TMC3: variants seen among roughly 807,000 people sequenced by gnomAD.
The protein encoded by TMC3 is transmembrane channel-like protein 3.
A neutral mutation model predicts 110.6 loss-of-function variants in TMC3; 98 were observed. That is an observed-to-expected ratio of 0.89 (90% CI 0.75 to 1.05). The LOEUF (loss-of-function observed/expected upper bound fraction) is 1.05. TMC3 is among the 50% of genes least tolerant of loss of function. The pLI, the probability that TMC3 is intolerant of heterozygous loss-of-function variation, is 0.00. For synonymous variants in TMC3, 489 were observed against 513.1 expected, an observed-to-expected ratio of 0.95 and a Z score of 0.63; for missense variants, 1,319 against 1,373.2, an observed-to-expected ratio of 0.96 and a Z score of 0.62.
At chr15:81,356,841 TC>T (rs1894076005) in intron 7 of TMC3, among the ~76,000 whole-genome samples, 1 of 152,186 alleles carries the variant, frequency 6.6e-6, no homozygotes, top group African/African-American at 2.4e-5. Context: ...TGACAAGGAC[TC>T]CCACCACTGT....
At chr15:81,350,351 T>C (rs957366982) in intron 10 of TMC3, among the ~76,000 whole-genome samples, 13 of 152,166 alleles carry the variant, frequency 8.5e-5, no homozygotes, top group Non-Finnish European at 1.3e-4. Flanking sequence ...CTATTACCAA[T>C]AGAAAAGGAA....
intron 2 of TMC3, among the ~76,000 whole-genome samples, 191 bp from the exon 3 acceptor site, chr15:81,368,519 AT>A (rs889914970): frequency 1.3e-5 from 2 of 152,134 alleles, no homozygotes. Context: ...ACACCTTAAA[AT>A]TTTTTTCTTT....
chr15:81,357,235 G>A (rs1399618623), intron 7 of TMC3, among the ~76,000 whole-genome samples: 2 of 152,084 alleles, frequency 1.3e-5, no homozygotes, highest in African/African-American at 4.8e-5. Flanking sequence ...AGCTAAGCTG[G>A]AAAGCTTCAG....
At chr15:81,358,586 G>GA in intron 5 of TMC3, 86 bp from the exon 6 acceptor site, 7 of 1,074,794 alleles carry the variant, frequency 6.5e-6, no homozygotes, top group Non-Finnish European at 8.0e-6. Flanking sequence ...ATGTGCTTGT[G>GA]AAAATGCCAC....
chr15:81,357,628 C>T (rs549707644), intron 7 of TMC3, among the ~76,000 whole-genome samples: 1 of 152,260 alleles, frequency 6.6e-6, no homozygotes, highest in African/African-American at 2.4e-5. Context: ...ATTTTGCCTC[C>T]CCAGTGATGA....
intron 17 of TMC3, 149 bp downstream of exon 17, chr15:81,339,245 A>G: frequency 1.6e-6 from 1 of 639,198 alleles, no homozygotes; most frequent in East Asian, 2.7e-5. Context: ...TTAAGGAAAG[A>G]GCCCTGGTCT....
Position 81,374,003 on chromosome 15 carries a change from T to C in TMC3, c.75A>G (p.Glu25=). 6.2e-7 allele frequency: 1 copy of C among 1,613,696 alleles called. No individual in the cohort carries two copies. The highest frequency in any genetic ancestry group is 8.5e-7 in the Non-Finnish European group (1 of 1,179,826). ...RNASQCYLYQ[E]SLLLSNLDDS... ...GGCCAGCTCACCTGAGCAGCAGAGA[T>C]TCCTGGTAGAGGTAGCACTGGCTGG... Residue 25 remains glutamate (E), a synonymous_variant, in exon 1 of 22, where the codon GAA becomes GAG. Transcript: ENST00000359440.
chr15:81,370,474 C>A (rs1355977047), intron 2 of TMC3, among the ~76,000 whole-genome samples: 1 of 152,144 alleles, frequency 6.6e-6, no homozygotes, highest in African/African-American at 2.4e-5. Flanking sequence ...TGTCAGCCAT[C>A]TTGGGGCTCT....
rs759348770 is a variant in TMC3 at position 81,349,440 on chromosome 15, TG to T, written c.1193+17del. ...ATGGGTGAGCCACAGGTGGCATTTC[TG>T]GGCAGGACTGTTGTACCTTGCAAGC... On this transcript the variant is annotated intron_variant, in intron 11 of 21. Coordinates refer to ENST00000359440, the MANE Select transcript of TMC3 (RefSeq NM_001080532.3). The T allele has an allele frequency of 4.2e-6, 6 of 1,432,368 alleles. No homozygotes were observed. The highest frequency in any genetic ancestry group is 5.5e-6 in the Non-Finnish European group (6 of 1,085,964). 88.7% of individuals were successfully genotyped at this position (1,432,368 alleles called of 1,614,324 possible).
chr15:81,335,213 C>T (rs1893567369), intron 20 of TMC3, among the ~76,000 whole-genome samples: 1 of 152,184 alleles, frequency 6.6e-6, no homozygotes, highest in South Asian at 2.1e-4. Context: ...CTTTACAGTG[C>T]TCCATCTGAT....
intron 3 of TMC3, 90 bp from the exon 4 acceptor site, chr15:81,362,391 A>G (rs1481522729): frequency 7.3e-6 from 7 of 963,168 alleles, no homozygotes; most frequent in Non-Finnish European, 1.1e-5. Context: ...AGTATACCAG[A>G]CACTCCCTCT....
rs746073251 is a variant in TMC3 at position 81,341,383 on chromosome 15, T to TA, written c.1844+6dup. On this transcript the variant is annotated splice_region_variant and intron_variant, in intron 16 of 21. Transcript: ENST00000359440. ...TATCTGCATGATCAGATCTTATTCT[T>TA]ACTCACCTTGAGGCTCGAAATACTT... The TA allele has an allele frequency of 1.2e-6, 2 of 1,607,552 alleles. No homozygotes were observed. Among genetic ancestry groups the TA allele is most frequent in the Non-Finnish European group, 1.7e-6 (2 of 1,176,630 alleles).
chr15:81,349,879 T>C (rs1223967463), intron 10 of TMC3, among the ~76,000 whole-genome samples: 1 of 150,672 alleles, frequency 6.6e-6, no homozygotes, highest in Non-Finnish European at 1.5e-5. Flanking sequence ...TTTGGGAGGC[T>C]TGTGAGGCCC....
At position 81,331,273 on chromosome 15, in the gene TMC3, A is replaced by G. The variant is rs1005430504; in HGVS notation, c.*1146T>C. 2 of 152,212 alleles carry G rather than the reference A, an allele frequency of 1.3e-5. No homozygotes were observed. The highest frequency in any genetic ancestry group is 4.8e-5 in the African/African-American group (2 of 41,452). The allele number at this position is 152,212 out of a possible 1,614,324, so 9.4% of individuals were successfully genotyped here. Reference sequence around the variant, plus strand: ...GGCAGTTGTTCAGTCTTTTACATTTATCTATACTACATGTTCCACATCCCT... The same window carrying G: ...GGCAGTTGTTCAGTCTTTTACATTTGTCTATACTACATGTTCCACATCCCT... On this transcript the variant is annotated 3_prime_UTR_variant, in exon 22 of 22. Transcript: ENST00000359440.
intron 16 of TMC3, among the ~76,000 whole-genome samples, chr15:81,340,955 T>C (rs1382985619): frequency 1.3e-5 from 2 of 152,194 alleles, no homozygotes; most frequent in African/African-American, 4.8e-5. Flanking sequence ...TGTGTGTGTG[T>C]GATTACGTTT....
Position 81,331,458 on chromosome 15 carries a change from A to G in TMC3, c.*961T>C, listed in dbSNP as rs139645205. 8.5e-4 allele frequency: 129 copies of G among 152,332 alleles called. No homozygotes were observed. The highest frequency in any genetic ancestry group is 3.0e-3 in the African/African-American group (123 of 41,578). The allele number at this position is 152,332 out of a possible 1,614,324, so 9.4% of individuals were successfully genotyped here. Reference sequence around the variant, plus strand: ...GGCAGTTAGTGTTCTTCTTTAACTTAGACTATGGGGGAGCTACACTACACT... The same window carrying G: ...GGCAGTTAGTGTTCTTCTTTAACTTGGACTATGGGGGAGCTACACTACACT... On this transcript the variant is annotated 3_prime_UTR_variant, in exon 22 of 22. Transcript: ENST00000359440.
intron 7 of TMC3, among the ~76,000 whole-genome samples, chr15:81,357,203 G>T (rs1477260790): frequency 6.6e-6 from 1 of 152,018 alleles, no homozygotes; most frequent in Non-Finnish European, 1.5e-5. Context: ...AGTCTTCCAT[G>T]TGGGTCCTGG....
chr15:81,373,658 A>T (rs1894486292), intron 1 of TMC3, among the ~76,000 whole-genome samples: 1 of 152,218 alleles, frequency 6.6e-6, no homozygotes, highest in Non-Finnish European at 1.5e-5. Flanking sequence ...TAGACATATT[A>T]TCTGCTCTCT....
Position 81,348,452 on chromosome 15 carries a change from C to A in TMC3, c.1193+1006G>T, listed in dbSNP as rs978821417. Among the ~76,000 whole-genome samples the A allele has an allele frequency of 2.0e-5, 3 of 152,158 alleles. No homozygotes were observed. In the South Asian group the frequency reaches 6.2e-4, roughly 32 times the overall value. On this transcript the variant is annotated intron_variant, in intron 11 of 21. Coordinates refer to ENST00000359440, the MANE Select transcript of TMC3 (RefSeq NM_001080532.3). ...GAGACCATACTCCGGGGAGAACAGGCAAATTTTTCAGGAAAATACTGATAA... is the reference window on the plus strand; with the variant it reads ...GAGACCATACTCCGGGGAGAACAGGAAAATTTTTCAGGAAAATACTGATAA...
Sources: gnomAD v4.1 joint callset for allele counts (sites outside exome capture counted in the v4.1 genomes callset) on GRCh38, gnomAD v4.1.1 for gene constraint, MANE v1.5 for transcripts, NCBI Gene and HGNC (gene_info 2026-07-23, HGNC 2026-07-21) for gene names.